The following ARSJ variants were observed in gnomAD, a reference collection of about 807,000 sequenced individuals.
ARSJ encodes the protein arylsulfatase J.
A neutral mutation model predicts 35.9 loss-of-function variants in ARSJ; 26 were observed. The ratio of observed to expected loss-of-function variants is 0.72; its 90% CI spans 0.53 to 1.00. ARSJ has a LOEUF of 1.00. ARSJ is among the 50% of genes least tolerant of loss of function. The pLI is 0.00. For synonymous variants in ARSJ, 294 were observed against 267.6 expected, an observed-to-expected ratio of 1.10 and a Z score of -0.96; for missense variants, 667 against 723.6, an observed-to-expected ratio of 0.92 and a Z score of 0.90.
chr4:113,923,559 GGAAA>G (rs1239951278), intron 1 of ARSJ, among the ~76,000 whole-genome samples: 3 of 151,972 alleles, frequency 2.0e-5, no homozygotes, highest in Non-Finnish European at 4.4e-5. Context: ...ATAGTAAACA[GGAAA>G]GATTTTGTTC....
At chr4:113,962,597 C>T (rs1403344586) in intron 1 of ARSJ, among the ~76,000 whole-genome samples, 2 of 151,500 alleles carry the variant, frequency 1.3e-5, no homozygotes, top group Non-Finnish European at 2.9e-5. Context: ...GCTCTATCTG[C>T]AGAATATACT....
chr4:113,910,124 T>C (rs2099670000), intron 1 of ARSJ, among the ~76,000 whole-genome samples: 1 of 152,174 alleles, frequency 6.6e-6, no homozygotes, highest in Non-Finnish European at 1.5e-5. Flanking sequence ...ATAGTAAACC[T>C]AGAGTTGTTG....
intron 1 of ARSJ, among the ~76,000 whole-genome samples, chr4:113,955,377 C>G (rs775803192): frequency 6.6e-6 from 1 of 151,068 alleles, no homozygotes; most frequent in African/African-American, 2.4e-5. Context: ...TCTTTTAGGT[C>G]GTAAATTTGC....
chr4:113,903,461 C>G lies in ARSJ; in HGVS notation c.613G>C (p.Asp205His). 1.2e-6 allele frequency: 2 copies of G among 1,614,098 alleles called. No homozygotes were observed. Among genetic ancestry groups the G allele is most frequent in the Non-Finnish European group, 1.7e-6 (2 of 1,179,984 alleles). ...TCACATTTGTAGTGTGTATAGTAAT[C>G]CCCACTTCCCAAAAGGGAACCAAAA... is the stretch of plus-strand genomic sequence containing the variant. Reference protein sequence around the residue: ...TFFGSLLGSGDYYTHYKCDSP... With the variant: ...TFFGSLLGSGHYYTHYKCDSP... Residue 205 changes from aspartate (D) to histidine (H), a missense_variant, in exon 2 of 2, where the codon GAT becomes CAT. Asp to His is a moderately conservative substitution (Grantham distance 81, BLOSUM62 -1). Transcript: ENST00000315366.
chr4:113,946,438 T>C (rs1725488119), intron 1 of ARSJ: 1 of 151,752 alleles, frequency 6.6e-6, no homozygotes, highest in Non-Finnish European at 1.5e-5. Flanking sequence ...AATGTTAAGA[T>C]CTTAAAGATA....
At chr4:113,921,500 T>G (rs891362377) in intron 1 of ARSJ, among the ~76,000 whole-genome samples, 6 of 152,084 alleles carry the variant, frequency 3.9e-5, no homozygotes, top group African/African-American at 1.2e-4. Flanking sequence ...ACTACAAAAT[T>G]TATTTAAAAG....
chr4:113,933,617 A>G (rs1724592415), intron 1 of ARSJ, among the ~76,000 whole-genome samples: 1 of 151,992 alleles, frequency 6.6e-6, no homozygotes, highest in South Asian at 2.1e-4. Context: ...ACATTAACAG[A>G]AGCAAGAAAA....
chr4:113,913,663 T>A (rs1269284712), intron 1 of ARSJ, among the ~76,000 whole-genome samples: 2 of 152,174 alleles, frequency 1.3e-5, no homozygotes, highest in Non-Finnish European at 2.9e-5. Flanking sequence ...ATACACTCCA[T>A]AAAACAAGTG....
chr4:113,957,829 C>G (rs936079588), intron 1 of ARSJ, among the ~76,000 whole-genome samples: 1 of 152,080 alleles, frequency 6.6e-6, no homozygotes, highest in African/African-American at 2.4e-5. Flanking sequence ...TATGATGTAA[C>G]AGCAGTCTAA....
chr4:113,935,401 G>C (rs1483926799), intron 1 of ARSJ, among the ~76,000 whole-genome samples: 1 of 151,842 alleles, frequency 6.6e-6, no homozygotes, highest in East Asian at 1.9e-4. Context: ...TTGCCATGAG[G>C]AATGTCAAGA....
At chr4:113,926,996 T>C (rs1280810337) in intron 1 of ARSJ, among the ~76,000 whole-genome samples, 1 of 152,128 alleles carries the variant, frequency 6.6e-6, no homozygotes, top group African/African-American at 2.4e-5. Context: ...GGTCATATTG[T>C]CCAAGTGGCA....
intron 1 of ARSJ, among the ~76,000 whole-genome samples, chr4:113,937,568 T>C (rs904504119): frequency 6.6e-6 from 1 of 151,912 alleles, no homozygotes; most frequent in Non-Finnish European, 1.5e-5. Flanking sequence ...AGAAATAAAG[T>C]GTATTCGTAT....
At chr4:113,963,877 T>C (rs1284653632) in intron 1 of ARSJ, among the ~76,000 whole-genome samples, 1 of 152,064 alleles carries the variant, frequency 6.6e-6, no homozygotes, top group East Asian at 1.9e-4. Flanking sequence ...TTTATGTAAT[T>C]AAGAAATAAT....
chr4:113,911,818 CACAT>C (rs2099670549), intron 1 of ARSJ, among the ~76,000 whole-genome samples: 1 of 152,258 alleles, frequency 6.6e-6, no homozygotes, highest in African/African-American at 2.4e-5. Context: ...CTGCTCCTGA[CACAT>C]GCATGCACAA....
At chr4:113,972,482 C>T (rs1383109809) in intron 1 of ARSJ, among the ~76,000 whole-genome samples, 1 of 151,982 alleles carries the variant, frequency 6.6e-6, no homozygotes, top group Admixed American at 6.6e-5. Flanking sequence ...TTCCAATATG[C>T]CCACTGTTAT....
chr4:113,931,364 A>G (rs1005151719), intron 1 of ARSJ, among the ~76,000 whole-genome samples: 2 of 152,078 alleles, frequency 1.3e-5, no homozygotes, highest in African/African-American at 4.8e-5. Flanking sequence ...AGTGAAAAGA[A>G]GAAGGAGAAG....
intron 1 of ARSJ, among the ~76,000 whole-genome samples, chr4:113,923,490 C>A (rs1723811225): frequency 6.6e-6 from 1 of 152,094 alleles, no homozygotes; most frequent in Admixed American, 6.6e-5. Flanking sequence ...TTATTTCACA[C>A]TGAAAGTTGT....
In ARSJ at chr4:113,946,009, ATT is replaced by A. The variant is rs11316516; in HGVS notation, c.398+32426_398+32427del. Among the ~76,000 whole-genome samples the A allele has an allele frequency of 2.0e-4, 31 of 151,436 alleles. 1 individual carries two copies. Among genetic ancestry groups the A allele is most frequent in the Admixed American group, 9.9e-4 (15 of 15,178 alleles). ...AATACTTTTCTTCTTCTCTTTAAACATTTTTTTTTTCCTTAAGAATTGCTTTT... is the reference window on the plus strand; with the variant it reads ...AATACTTTTCTTCTTCTCTTTAAACATTTTTTTTCCTTAAGAATTGCTTTT... On this transcript the variant is annotated intron_variant, in intron 1 of 1. Transcript: ENST00000315366.
intron 1 of ARSJ, among the ~76,000 whole-genome samples, chr4:113,965,823 ATTTTC>A (rs1487251011): frequency 1.4e-4 from 22 of 152,014 alleles, no homozygotes; most frequent in Non-Finnish European, 2.5e-4. Context: ...TTCAGTTTAT[ATTTTC>A]AAGTATTTTA....
Sources: gnomAD v4.1 joint callset for allele counts (sites outside exome capture counted in the v4.1 genomes callset) on GRCh38, gnomAD v4.1.1 for gene constraint, MANE v1.5 for transcripts, NCBI Gene and HGNC (gene_info 2026-07-23, HGNC 2026-07-21) for gene names.